DPP10: variants seen among roughly 807,000 people sequenced by gnomAD.
The protein encoded by DPP10 is dipeptidyl peptidase like 10.
DPP10 carries 33 observed loss-of-function variants against 120.9 expected under a neutral mutation model. That is an observed-to-expected ratio of 0.27 (90% CI 0.21 to 0.37). The LOEUF is 0.37. Ranked by LOEUF, DPP10 falls within the 10% of genes least tolerant of loss-of-function variation. The probability of loss-of-function intolerance (pLI) is 1.00; values close to 1 mark genes in which losing one functional copy is unlikely to be tolerated. For synonymous variants in DPP10, 337 were observed against 326.1 expected (o/e 1.03, Z -0.36); for missense variants, 816 against 942.8 (o/e 0.87, Z 1.76).
chr2:114,728,661 C>A lies in DPP10; in HGVS notation c.60+285823C>A, dbSNP rs141976361. Reference sequence around the variant, plus strand: ...AGTAAGATTTTCAACCAGCCTTTGACCCTACTCTACAGGGTAAAATTACAG... The same window carrying A: ...AGTAAGATTTTCAACCAGCCTTTGAACCTACTCTACAGGGTAAAATTACAG... On this transcript the variant is annotated intron_variant, in intron 1 of 25. Transcript: ENST00000410059. Among the ~76,000 whole-genome samples, 9 of 152,216 alleles carry A rather than the reference C, an allele frequency of 5.9e-5. 1 individual carries two copies. Among genetic ancestry groups the A allele is most frequent in the African/African-American group, 2.2e-4 (9 of 41,542 alleles).
intron 1 of DPP10, among the ~76,000 whole-genome samples, chr2:114,468,397 CAAAAAAAAAAA>C (rs71297186): frequency 1.4e-5 from 1 of 69,560 alleles, no homozygotes; most frequent in East Asian, 5.2e-4. Context: ...GCTTACAATG[CAAAAAAAAAAA>C]AAAAAAAAAA....
intron 1 of DPP10, among the ~76,000 whole-genome samples, chr2:115,089,037 A>T (rs1319662555): frequency 6.6e-6 from 1 of 151,966 alleles, no homozygotes; most frequent in African/African-American, 2.4e-5. Context: ...TCATCATCCA[A>T]GCTTGCCTCA....
intron 1 of DPP10, among the ~76,000 whole-genome samples, chr2:114,619,989 A>G (rs1186772519): frequency 6.6e-6 from 1 of 151,960 alleles, no homozygotes; most frequent in East Asian, 1.9e-4. Context: ...AAACTGACCC[A>G]TTAGGGAGGT....
chr2:114,834,096 C>T (rs1374680521), intron 1 of DPP10: 1 of 151,724 alleles, frequency 6.6e-6, no homozygotes, highest in South Asian at 2.1e-4. Flanking sequence ...TATCTACGCA[C>T]CTATGTATAT....
chr2:115,559,561 ATAT>A (rs1364380446), intron 5 of DPP10, among the ~76,000 whole-genome samples: 2 of 152,110 alleles, frequency 1.3e-5, no homozygotes, highest in Admixed American at 1.3e-4. Context: ...ATCTAGGATA[ATAT>A]TAATAATATT....
chr2:114,645,293 A>G (rs1222169742), intron 1 of DPP10, among the ~76,000 whole-genome samples: 2 of 152,176 alleles, frequency 1.3e-5, no homozygotes, highest in Admixed American at 1.3e-4. Context: ...TTTCACAGCT[A>G]TCTTGTGTCC....
chr2:115,839,423 C>T (rs1187404928), intron 24 of DPP10, among the ~76,000 whole-genome samples: 1 of 152,022 alleles, frequency 6.6e-6, no homozygotes, highest in Non-Finnish European at 1.5e-5. Flanking sequence ...CACCTGTAGT[C>T]CCAGCACTTT....
chr2:114,915,213 T>G (rs958428421), intron 1 of DPP10, among the ~76,000 whole-genome samples: 5 of 152,200 alleles, frequency 3.3e-5, no homozygotes, highest in Non-Finnish European at 7.4e-5. Flanking sequence ...GTTGCTATTC[T>G]TATTTCAGAC....
chr2:114,822,901 G>C (rs1686218717), intron 1 of DPP10, among the ~76,000 whole-genome samples: 1 of 152,118 alleles, frequency 6.6e-6, no homozygotes, highest in African/African-American at 2.4e-5. Flanking sequence ...GGACTTTACT[G>C]TTCATATCTC....
At chr2:115,716,122 G>T (rs182561729) in intron 7 of DPP10, among the ~76,000 whole-genome samples, 2 of 152,288 alleles carry the variant, frequency 1.3e-5, no homozygotes, top group African/African-American at 4.8e-5. Context: ...TTTGTGGAAC[G>T]TGTAGTAACC....
chr2:115,591,118 C>T (rs879449768), intron 5 of DPP10, among the ~76,000 whole-genome samples: 11 of 152,300 alleles, frequency 7.2e-5, no homozygotes, highest in Non-Finnish European at 1.6e-4. Context: ...CCTGTTCACT[C>T]TGATGGTAGT....
chr2:115,673,617 T>C (rs2090067405), intron 5 of DPP10, among the ~76,000 whole-genome samples: 1 of 152,210 alleles, frequency 6.6e-6, no homozygotes, highest in African/African-American at 2.4e-5. Context: ...CATTTCTTAA[T>C]TCCTCACTCT....
At position 115,334,230 on chromosome 2, in the gene DPP10, G is replaced by GTTTTTTTTTTTTTTTTTTTTGT; in HGVS notation, c.176-9571_176-9570insTTTTGTTTTTTTTTTTTTTTTT. Among the ~76,000 whole-genome samples the GTTTTTTTTTTTTTTTTTTTTGT allele has an allele frequency of 5.3e-5, 3 of 56,410 alleles. 1 individual carries two copies. Among genetic ancestry groups the GTTTTTTTTTTTTTTTTTTTTGT allele is most frequent in the Non-Finnish European group, 1.2e-4 (3 of 25,180 alleles). The allele number at this position is 56,410 out of a possible 152,430, so 37.0% of individuals were successfully genotyped here. On this transcript the variant is annotated intron_variant, in intron 2 of 25. Coordinates refer to ENST00000410059, the MANE Select transcript of DPP10 (RefSeq NM_020868.6). ...TCAGGAATGGACCAGAGCAGACTCT[G>GTTTTTTTTTTTTTTTTTTTTGT]TTTTTTTTTTTTTTTTAAGAAACCT...
At chr2:114,514,621 A>C (rs1684436305) in intron 1 of DPP10, among the ~76,000 whole-genome samples, 1 of 152,172 alleles carries the variant, frequency 6.6e-6, no homozygotes. Context: ...ATTTTGCCTC[A>C]AACTTTGCCA....
At chr2:114,848,590 A>G (rs1688716960) in intron 1 of DPP10, among the ~76,000 whole-genome samples, 1 of 152,256 alleles carries the variant, frequency 6.6e-6, no homozygotes, top group Non-Finnish European at 1.5e-5. Context: ...ACATTGAATC[A>G]CATAGATACG....
At chr2:115,076,853 T>G (rs1464308972) in intron 1 of DPP10, among the ~76,000 whole-genome samples, 1 of 152,230 alleles carries the variant, frequency 6.6e-6, no homozygotes, top group Admixed American at 6.5e-5. Flanking sequence ...ATGTGAGAGT[T>G]TTATACACAG....
At chr2:114,896,047 T>A (rs938159446) in intron 1 of DPP10, among the ~76,000 whole-genome samples, 2 of 152,212 alleles carry the variant, frequency 1.3e-5, no homozygotes, top group African/African-American at 4.8e-5. Flanking sequence ...TAGTTGTAGA[T>A]ATGCAGCATT....
At chr2:114,866,772 A>T (rs1690272149) in intron 1 of DPP10, among the ~76,000 whole-genome samples, 1 of 152,182 alleles carries the variant, frequency 6.6e-6, no homozygotes, top group Non-Finnish European at 1.5e-5. Flanking sequence ...CCTGTAACCT[A>T]AAAAAGTAAG....
intron 1 of DPP10, among the ~76,000 whole-genome samples, chr2:114,696,357 G>T (rs1700067006): frequency 6.6e-6 from 1 of 152,042 alleles, no homozygotes; most frequent in African/African-American, 2.4e-5. Context: ...TAAAAGACTG[G>T]TTTATTCACT....
Sources: allele counts gnomAD v4.1 joint callset (sites outside exome capture counted in the v4.1 genomes callset), GRCh38; gene constraint gnomAD v4.1.1; transcripts MANE v1.5; gene names NCBI Gene and HGNC (gene_info 2026-07-23, HGNC 2026-07-21).